The following HERC3 variants were observed in gnomAD, a reference collection of about 807,000 sequenced individuals.
HERC3 encodes probable E3 ubiquitin-protein ligase HERC3.
In HERC3, 58 loss-of-function variants were observed where a neutral mutation model predicts 129.9. That is an observed-to-expected ratio of 0.45 (90% CI 0.36 to 0.56). The LOEUF is 0.56. Ranked by LOEUF, HERC3 falls within the 20% of genes least tolerant of loss-of-function variation. The probability of loss-of-function intolerance (pLI) is 0.00; values close to 1 mark genes in which losing one functional copy is unlikely to be tolerated. For missense variants in HERC3, 835 were observed against 1,244.2 expected, an observed-to-expected ratio of 0.67 and a Z score of 4.95; for synonymous variants, 430 against 451.0, an observed-to-expected ratio of 0.95 and a Z score of 0.59.
the HERC3 span, among the ~76,000 whole-genome samples, chr4:88,583,361 AGGAGGTGGAG>A: frequency 2.0e-5 from 3 of 151,828 alleles, no homozygotes; most frequent in East Asian, 5.8e-4. Context: ...GCTTGAACCC[AGGAGGTGGAG>A]GTTGCAGTGA....
chr4:88,698,624 T>A (rs1427701077), intron 23 of HERC3, among the ~76,000 whole-genome samples: 2 of 149,594 alleles, frequency 1.3e-5, no homozygotes, highest in East Asian at 4.0e-4. Flanking sequence ...CTTATCTTGG[T>A]TAAAGCATGT....
the HERC3 span, among the ~76,000 whole-genome samples, chr4:88,528,809 T>G: frequency 6.6e-6 from 1 of 152,228 alleles, no homozygotes; most frequent in East Asian, 1.9e-4. Context: ...GATAATCACA[T>G]GCACAAGACT....
At position 88,664,158 on chromosome 4, in the gene HERC3, T is replaced by G. The variant is rs561178022; in HGVS notation, c.1277T>G (p.Val426Gly). The G allele has an allele frequency of 3.1e-6, 5 of 1,612,932 alleles. No homozygotes were observed. Among genetic ancestry groups the G allele is most frequent in the South Asian group, 2.2e-5 (2 of 90,908 alleles). ...EHNNANTING[V>G]VQILSSAACW... The stretch of plus-strand genomic sequence containing the variant: ...CCCTTCTTTTCTTTGAGCAGTGGTG[T>G]TGTTCAGATATTATCTTCTGCAGCC... Residue 426 changes from valine to glycine, a missense_variant, in exon 12 of 26, where the codon GTT becomes GGT. Coordinates refer to ENST00000402738, the MANE Select transcript of HERC3 (RefSeq NM_014606.3).
chr4:88,661,751 A>G (rs1394493938), intron 10 of HERC3, among the ~76,000 whole-genome samples: 1 of 152,156 alleles, frequency 6.6e-6, no homozygotes, highest in Admixed American at 6.5e-5. Flanking sequence ...TTTTTCTGCC[A>G]TTTTTCTTAT....
chr4:88,652,583 G>A (rs1729407161), intron 5 of HERC3, among the ~76,000 whole-genome samples: 1 of 152,150 alleles, frequency 6.6e-6, no homozygotes, highest in Non-Finnish European at 1.5e-5. Context: ...TCTTGCTTAA[G>A]CCTGGTAATT....
chr4:88,681,907 A>G (rs984047493), intron 21 of HERC3, among the ~76,000 whole-genome samples: 1 of 152,220 alleles, frequency 6.6e-6, no homozygotes, highest in African/African-American at 2.4e-5. Flanking sequence ...ATACTAGGTC[A>G]TATTTCTTCT....
chr4:88,624,684 G>A (rs759478748), intron 3 of HERC3, among the ~76,000 whole-genome samples: 3 of 152,082 alleles, frequency 2.0e-5, no homozygotes, highest in Non-Finnish European at 2.9e-5. Context: ...TTAACAGTGC[G>A]TTTTGAAGAT....
intron 21 of HERC3, among the ~76,000 whole-genome samples, chr4:88,682,864 T>C (rs1732959960): frequency 6.6e-6 from 1 of 152,118 alleles, no homozygotes; most frequent in East Asian, 1.9e-4. Context: ...GGTCAAATGG[T>C]ATTTCTAGTT....
At chr4:88,688,707 G>T (rs1029832179) in intron 23 of HERC3, among the ~76,000 whole-genome samples, 1 of 152,164 alleles carries the variant, frequency 6.6e-6, no homozygotes, top group African/African-American at 2.4e-5. Flanking sequence ...TCTCAATAAA[G>T]AAGTCTTATA....
Position 88,662,543 on chromosome 4 carries a change from C to T in HERC3, c.1259C>T (p.Ala420Val), listed in dbSNP as rs759264974. ...CAAAAACTCTCAGAACACAACAATG[C>T]AAATACAATCAAGTATGTGGCTGCT... ...WRQKLSEHNN[A>V]NTINGVVQIL... The change falls in exon 11 of 26, where the codon GCA becomes GTA. Residue 420 changes from alanine to valine, a missense_variant. Coordinates refer to ENST00000402738, the MANE Select transcript of HERC3 (RefSeq NM_014606.3). 6.8e-6 allele frequency: 11 copies of T among 1,607,624 alleles called. No individual in the cohort carries two copies. Among genetic ancestry groups the T allele is most frequent in the Admixed American group, 1.7e-5 (1 of 58,412 alleles).
chr4:88,557,420 T>C, the HERC3 span, among the ~76,000 whole-genome samples: 1 of 152,232 alleles, frequency 6.6e-6, no homozygotes, highest in Non-Finnish European at 1.5e-5. Context: ...TTGTATTAAC[T>C]CAGGTTTTCA....
intron 12 of HERC3, among the ~76,000 whole-genome samples, chr4:88,665,191 G>GGATT (rs1730917008): frequency 6.6e-6 from 1 of 152,156 alleles, no homozygotes; most frequent in Admixed American, 6.5e-5. Context: ...GGAAGAGAGG[G>GGATT]GATTTACTAC....
intron 3 of HERC3, among the ~76,000 whole-genome samples, chr4:88,647,596 G>A (rs1728830645): frequency 6.6e-6 from 1 of 152,102 alleles, no homozygotes; most frequent in African/African-American, 2.4e-5. Flanking sequence ...AGTGAGCAGA[G>A]GTTAAAGAAG....
intron 23 of HERC3, among the ~76,000 whole-genome samples, chr4:88,695,744 C>A (rs1444622586): frequency 2.0e-5 from 3 of 152,036 alleles, no homozygotes; most frequent in Non-Finnish European, 4.4e-5. Context: ...ATGTATTAAT[C>A]CATTTGCTCT....
the HERC3 span, among the ~76,000 whole-genome samples, chr4:88,561,448 T>C: frequency 6.6e-6 from 1 of 152,228 alleles, no homozygotes; most frequent in Admixed American, 6.5e-5. Flanking sequence ...CAATGCATAA[T>C]AATCACATCA....
chr4:88,676,169 T>G, intron 16 of HERC3, 49 bp from the exon 17 acceptor site: 1 of 1,376,488 alleles, frequency 7.3e-7, no homozygotes, highest in Non-Finnish European at 1.0e-6. Context: ...GGGATTAAAA[T>G]TCAGGGTTTA....
intron 7 of HERC3, 62 bp downstream of exon 7, chr4:88,654,195 G>T: frequency 8.8e-7 from 1 of 1,131,932 alleles, no homozygotes; most frequent in South Asian, 1.3e-5. Flanking sequence ...AGAATTGCTT[G>T]ATTATGTTAG....
At position 88,670,237 on chromosome 4, in the gene HERC3, G is replaced by T. The variant is rs1731470551; in HGVS notation, c.1896G>T (p.Leu632Phe). Reference protein sequence around the residue: ...DIQEDYLMWFLHQAGMKARPS... With the variant: ...DIQEDYLMWFFHQAGMKARPS... ...AGGAAGACTACCTCATGTGGTTCTTGCATCAAGCAGGGATGGTAAGAATTC... is the reference window on the plus strand; with the variant it reads ...AGGAAGACTACCTCATGTGGTTCTTTCATCAAGCAGGGATGGTAAGAATTC... Residue 632 changes from leucine (L) to phenylalanine (F), a missense_variant, in exon 16 of 26, where the codon TTG becomes TTT. Physicochemically the swap from Leu to Phe is conservative, Grantham distance 22 (BLOSUM62 0). Transcript: ENST00000402738. 19 of 1,605,050 alleles carry T rather than the reference G, an allele frequency of 1.2e-5. No individual in the cohort carries two copies. The highest frequency in any genetic ancestry group is 1.5e-5 in the Non-Finnish European group (18 of 1,172,048).
chr4:88,558,605 C>A, the HERC3 span, among the ~76,000 whole-genome samples: 1 of 152,036 alleles, frequency 6.6e-6, no homozygotes, highest in African/African-American at 2.4e-5. Context: ...CACTAAAGAA[C>A]TTATCCAAGT....
Sources: gnomAD v4.1 joint callset for allele counts (sites outside exome capture counted in the v4.1 genomes callset) on GRCh38, gnomAD v4.1.1 for gene constraint, MANE v1.5 for transcripts, NCBI Gene and HGNC (gene_info 2026-07-23, HGNC 2026-07-21) for gene names.